The following ZNF469 variants were observed in gnomAD, a reference collection of about 807,000 sequenced individuals.
ZNF469 encodes zinc finger protein 469.
ZNF469 carries 1 observed loss-of-function variant against 1.0 expected under a neutral mutation model. The ratio of observed to expected loss-of-function variants is 1.00; its 90% CI spans 0.35 to 4.73. The LOEUF is 4.73. Ranked by LOEUF, ZNF469 falls within the 30% of genes most tolerant of loss-of-function variation. ZNF469 has a pLI of 0.16. For synonymous variants in ZNF469, 2,703 were observed against 2,363.4 expected, an observed-to-expected ratio of 1.14 and a Z score of -4.17; for missense variants, 6,100 against 5,356.3, an observed-to-expected ratio of 1.14 and a Z score of -4.33.
At chr16:88,401,290 G>C (rs1051673452) in intron 1 of ZNF469, among the ~76,000 whole-genome samples, 4 of 152,216 alleles carry the variant, frequency 2.6e-5, no homozygotes, top group African/African-American at 9.6e-5. Flanking sequence ...GGGCCTCTCT[G>C]GTTGAGGCTG....
chr16:88,170,564 C>G, the ZNF469 span, among the ~76,000 whole-genome samples: 1 of 152,192 alleles, frequency 6.6e-6, no homozygotes, highest in African/African-American at 2.4e-5. The surrounding 1 kb of genome is among the most constrained non-coding windows in gnomAD (Gnocchi z 4.2). Flanking sequence ...GCTCATTTCA[C>G]TTGGCATGAC....
the ZNF469 span, among the ~76,000 whole-genome samples, chr16:88,126,891 C>T: frequency 6.6e-6 from 1 of 152,026 alleles, no homozygotes; most frequent in Non-Finnish European, 1.5e-5. Context: ...GCGATCTCGG[C>T]TTACTGCAAC....
the ZNF469 span, among the ~76,000 whole-genome samples, chr16:88,365,071 C>G: frequency 6.6e-6 from 1 of 152,194 alleles, no homozygotes; most frequent in East Asian, 1.9e-4. Flanking sequence ...TATCAATTTT[C>G]AAATTTGATT....
rs1399778588 is a variant in ZNF469, at chr16:88,433,122, A to C, written c.5652A>C (p.Val1884=). The C allele has an allele frequency of 2.6e-6, 4 of 1,550,296 alleles. No individual in the cohort carries two copies. The South Asian group carries it at 4.8e-5, about 18-fold the overall frequency. Residue 1884 remains valine (V), a synonymous_variant, in exon 3 of 3, where the codon GTA becomes GTC. Coordinates refer to ENST00000565624, the MANE Select transcript of ZNF469 (RefSeq NM_001367624.2). ...TCCCTGTGCCAAGTCCCGCCTGTGT[A>C]TCCAACACCCACCCTAGCAGGAGGT... ...WLVPVPSPAC[V]SNTHPSRRSQ... is the part of the protein sequence containing the mutation.
rs1906326570 is a variant in ZNF469, at chr16:88,433,229, T to C, written c.5759T>C (p.Leu1920Pro). The change falls in exon 3 of 3, where the codon CTG becomes CCG. Residue 1920 changes from leucine (L) to proline (P), a missense_variant. Physicochemically the swap from Leu to Pro is moderately conservative, Grantham distance 98. Transcript: ENST00000565624. The stretch of plus-strand genomic sequence containing the variant: ...GTGGCTAAGAGTAAAGATGGCATCC[T>C]GGGCTTGCAGGAGCTGACACCTGCT... ...PGVAKSKDGILGLQELTPAAQ... is the reference protein window; with the variant it reads ...PGVAKSKDGIPGLQELTPAAQ... The C allele has an allele frequency of 6.5e-7, 1 of 1,550,212 alleles. No homozygotes were observed. Among genetic ancestry groups the C allele is most frequent in the African/African-American group, 1.4e-5 (1 of 73,042 alleles).
chr16:88,131,160 C>A, the ZNF469 span, among the ~76,000 whole-genome samples: 3 of 152,224 alleles, frequency 2.0e-5, no homozygotes, highest in African/African-American at 7.2e-5. Flanking sequence ...TCAAAACAAA[C>A]GTGCGGCAGA....
chr16:88,211,769 C>G, the ZNF469 span, among the ~76,000 whole-genome samples: 1 of 152,224 alleles, frequency 6.6e-6, no homozygotes, highest in African/African-American at 2.4e-5. Context: ...CTGTCCTTTG[C>G]TTGTTCAAGC....
chr16:88,290,201 G>C, the ZNF469 span, among the ~76,000 whole-genome samples: 1 of 152,250 alleles, frequency 6.6e-6, no homozygotes, highest in Non-Finnish European at 1.5e-5. Context: ...CTGCACCACT[G>C]TCGCGGCATC....
At chr16:88,103,855 G>T in the ZNF469 span, among the ~76,000 whole-genome samples, 1,046 of 150,834 alleles carry the variant, frequency 6.9e-3, 11 homozygotes, top group African/African-American at 0.024. Context: ...TGGCACGGAG[G>T]GGGTGGAATG....
chr16:88,289,567 A>G, the ZNF469 span, among the ~76,000 whole-genome samples: 40 of 152,334 alleles, frequency 2.6e-4, no homozygotes, highest in Admixed American at 5.9e-4. Flanking sequence ...TTAATCTCCC[A>G]TCACCACTCC....
In ZNF469 at chr16:88,434,282, C is replaced by T. The variant is rs1337196517; in HGVS notation, c.6812C>T (p.Pro2271Leu). The T allele has an allele frequency of 6.4e-7, 1 of 1,550,400 alleles. No homozygotes were observed. The highest frequency in any genetic ancestry group is 2.0e-5 in the Admixed American group (1 of 51,016). ...GAGTCTCCTGGCCGAGCCACCTCTC[C>T]TCCTCTGGCAGGGGCCGTCTCCCCC... ...LWESPGRATS[P>L]PLAGAVSPSV... The change falls in exon 3 of 3, where the codon CCT becomes CTT. Residue 2271 changes from proline (P) to leucine (L), a missense_variant. Physicochemically the swap from Pro to Leu is moderately conservative, Grantham distance 98. Transcript: ENST00000565624.
At chr16:88,375,870 C>T in the ZNF469 span, among the ~76,000 whole-genome samples, 1 of 152,192 alleles carries the variant, frequency 6.6e-6, no homozygotes, top group Non-Finnish European at 1.5e-5. Context: ...GTGGCAAAAA[C>T]GGAAGCATGA....
At chr16:88,415,396 A>C (rs1456021128) in intron 1 of ZNF469, among the ~76,000 whole-genome samples, 1 of 151,318 alleles carries the variant, frequency 6.6e-6, no homozygotes, top group African/African-American at 2.4e-5. Context: ...CCTCAGCCAG[A>C]CTCCACCCCT....
At chr16:88,127,933 C>T in the ZNF469 span, among the ~76,000 whole-genome samples, 14 of 152,188 alleles carry the variant, frequency 9.2e-5, no homozygotes, top group South Asian at 6.2e-4. Context: ...ATTCCCAAAA[C>T]GCCTCCCCAG....
chr16:88,403,448 C>T (rs1904939598), intron 1 of ZNF469, among the ~76,000 whole-genome samples: 1 of 152,080 alleles, frequency 6.6e-6, no homozygotes, highest in South Asian at 2.1e-4. Flanking sequence ...CTCTCCCAGG[C>T]ACCACAGAGC....
the ZNF469 span, among the ~76,000 whole-genome samples, chr16:88,235,733 A>G: frequency 2.2e-3 from 333 of 152,376 alleles, 2 homozygotes; most frequent in Middle Eastern, 0.014. Context: ...ATCTAACTCC[A>G]TACAATATTT....
the ZNF469 span, among the ~76,000 whole-genome samples, chr16:88,252,804 T>C: frequency 2.6e-5 from 4 of 152,204 alleles, no homozygotes; most frequent in African/African-American, 9.6e-5. Flanking sequence ...TCAACACTCA[T>C]ATGAAGACAT....
chr16:88,121,283 G>C, the ZNF469 span, among the ~76,000 whole-genome samples: 2 of 151,616 alleles, frequency 1.3e-5, no homozygotes, highest in Non-Finnish European at 2.9e-5. Context: ...CACTGACTTT[G>C]GTCCTTGTCC....
chr16:88,359,570 C>A, the ZNF469 span, among the ~76,000 whole-genome samples: 5 of 152,130 alleles, frequency 3.3e-5, no homozygotes, highest in Non-Finnish European at 7.4e-5. Flanking sequence ...TCGGGATAGC[C>A]TTTTTTTGTG....
Sources: gnomAD v4.1 joint callset for allele counts (sites outside exome capture counted in the v4.1 genomes callset) on GRCh38, gnomAD v4.1.1 for gene constraint, Gnocchi (gnomAD v3.1) non-coding constraint, MANE v1.5 for transcripts, NCBI Gene and HGNC (gene_info 2026-07-23, HGNC 2026-07-21) for gene names.